FSTL4: variants seen among roughly 807,000 people sequenced by gnomAD.
FSTL4 encodes follistatin-related protein 4.
FSTL4 carries 28 observed loss-of-function variants against 78.2 expected under a neutral mutation model. That is an observed-to-expected ratio of 0.36 (90% confidence interval 0.27 to 0.49). The LOEUF (loss-of-function observed/expected upper bound fraction) is 0.49. Ranked by LOEUF, FSTL4 falls within the 20% of genes least tolerant of loss-of-function variation. The probability of loss-of-function intolerance (pLI) is 0.98; values close to 1 mark genes in which losing one functional copy is unlikely to be tolerated. For missense variants in FSTL4, 922 were observed against 1,084.9 expected, an observed-to-expected ratio of 0.85 and a Z score of 2.11; for synonymous variants, 422 against 440.5, an observed-to-expected ratio of 0.96 and a Z score of 0.53.
chr5:133,707,103 C>A, the FSTL4 span, among the ~76,000 whole-genome samples: 2 of 152,194 alleles, frequency 1.3e-5, no homozygotes, highest in African/African-American at 4.8e-5. Flanking sequence ...GTCAGAGGAC[C>A]AAACTAGTGC....
At position 133,199,797 on chromosome 5, in the gene FSTL4, C is replaced by G; in HGVS notation, c.1827G>C (p.Arg609Ser). The G allele has an allele frequency of 1.3e-6, 2 of 1,527,340 alleles. No individual in the cohort carries two copies. The highest frequency in any genetic ancestry group is 8.9e-7 in the Non-Finnish European group (1 of 1,126,568). 94.6% of individuals were successfully genotyped at this position (1,527,340 alleles called of 1,614,324 possible). A position where few individuals can be genotyped will look rare whatever the true frequency, so the allele number is the denominator to read the frequency against. Residue 609 changes from arginine to serine, a missense_variant and splice_region_variant, in exon 16 of 16, where the codon AGG becomes AGC. Arg to Ser is a moderately radical substitution (Grantham distance 110). Transcript: ENST00000265342. The surrounding 1 kb of genome is among the most constrained non-coding windows in gnomAD (Gnocchi z 4.4). Reference protein sequence around the residue: ...PPTNLIINHIRFGFIFNKSDP... With the variant: ...PPTNLIINHISFGFIFNKSDP... ...CAGACTTGTTGAAGATGAAGCCAAA[C>G]CTGGGAGGGGAAGAACTGAGGTCAG...
chr5:133,751,118 C>A, the FSTL4 span, among the ~76,000 whole-genome samples: 347 of 152,274 alleles, frequency 2.3e-3, 4 homozygotes, highest in Middle Eastern at 0.01. Context: ...CCCTCTCCCC[C>A]CAGCCCTCAG....
intron 6 of FSTL4, among the ~76,000 whole-genome samples, chr5:133,289,885 GA>G (rs1264328467): frequency 6.6e-6 from 1 of 152,206 alleles, no homozygotes; most frequent in Non-Finnish European, 1.5e-5. Flanking sequence ...CACTTGACGA[GA>G]AACAGAAATG....
At chr5:133,695,051 G>A in the FSTL4 span, among the ~76,000 whole-genome samples, 3 of 152,074 alleles carry the variant, frequency 2.0e-5, no homozygotes, top group Admixed American at 2.0e-4. Flanking sequence ...ATGAGGGCTA[G>A]GATCCTCAGG....
intron 3 of FSTL4, among the ~76,000 whole-genome samples, chr5:133,552,140 C>T (rs1302242404): frequency 6.6e-6 from 1 of 152,170 alleles, no homozygotes. Context: ...TTCCCTCCTG[C>T]CCTCCACTTT....
the FSTL4 span, among the ~76,000 whole-genome samples, chr5:133,681,698 G>C: frequency 6.6e-6 from 1 of 152,276 alleles, no homozygotes; most frequent in South Asian, 2.1e-4. Context: ...CCCCCCATGA[G>C]AGAAGCAAGG....
At chr5:133,834,497 G>A in the FSTL4 span, among the ~76,000 whole-genome samples, 1 of 146,810 alleles carries the variant, frequency 6.8e-6, no homozygotes, top group Non-Finnish European at 1.5e-5. Flanking sequence ...TACATTATAT[G>A]AGCCTAATTT....
intron 2 of FSTL4, among the ~76,000 whole-genome samples, chr5:133,571,909 T>C (rs144633100): frequency 1.3e-5 from 2 of 152,280 alleles, no homozygotes; most frequent in Non-Finnish European, 2.9e-5. Flanking sequence ...TGTAACATCA[T>C]GAAGAGTTCT....
intron 4 of FSTL4, among the ~76,000 whole-genome samples, chr5:133,372,457 C>A (rs1755333740): frequency 6.6e-6 from 1 of 152,112 alleles, no homozygotes; most frequent in Admixed American, 6.5e-5. Flanking sequence ...TGGGTCATGG[C>A]CCAAGGCTCC....
At chr5:133,567,829 G>A (rs567729359) in intron 2 of FSTL4, among the ~76,000 whole-genome samples, 25 of 152,270 alleles carry the variant, frequency 1.6e-4, no homozygotes, top group African/African-American at 4.8e-4. Context: ...CTTACTATGC[G>A]CAGGGCAATA....
chr5:133,281,349 A>C (rs576089065), intron 6 of FSTL4, among the ~76,000 whole-genome samples: 2 of 152,304 alleles, frequency 1.3e-5, no homozygotes, highest in African/African-American at 4.8e-5. Context: ...GGTGGGACTT[A>C]GGAGGCAGAT....
intron 4 of FSTL4, among the ~76,000 whole-genome samples, chr5:133,390,308 T>C (rs1309175470): frequency 6.6e-6 from 1 of 152,290 alleles, no homozygotes; most frequent in Admixed American, 6.5e-5. Context: ...TCACTCTGAT[T>C]ACTTTCATTA....
chr5:133,716,592 G>A, the FSTL4 span, among the ~76,000 whole-genome samples: 3 of 152,202 alleles, frequency 2.0e-5, no homozygotes, highest in Non-Finnish European at 4.4e-5. Flanking sequence ...ATCACATGGA[G>A]ATTTGGAGGG....
At chr5:133,312,300 AG>A in intron 6 of FSTL4, 1 of 203,336 alleles carries the variant, frequency 4.9e-6, no homozygotes, top group Non-Finnish European at 9.9e-6. Flanking sequence ...CCACATGGCC[AG>A]GCCCTAGCCT....
chr5:133,640,597 G>T, the FSTL4 span, among the ~76,000 whole-genome samples: 1 of 152,194 alleles, frequency 6.6e-6, no homozygotes, highest in East Asian at 1.9e-4. Context: ...GTGCTGGCCT[G>T]ATTCATTTCA....
At chr5:133,235,763 C>T (rs1015616856) in intron 7 of FSTL4, among the ~76,000 whole-genome samples, 1 of 152,138 alleles carries the variant, frequency 6.6e-6, no homozygotes, top group Non-Finnish European at 1.5e-5. Flanking sequence ...GCGGAAGCCT[C>T]CATGATAAAA....
intron 3 of FSTL4, among the ~76,000 whole-genome samples, chr5:133,540,723 A>C (rs1454257248): frequency 1.4e-5 from 2 of 142,156 alleles, no homozygotes; most frequent in African/African-American, 2.8e-5. Context: ...ACATAGGCAA[A>C]AAAAAAAAAA....
At chr5:133,355,287 T>C (rs1427157702) in intron 4 of FSTL4, among the ~76,000 whole-genome samples, 2 of 152,190 alleles carry the variant, frequency 1.3e-5, no homozygotes, top group Non-Finnish European at 2.9e-5. Flanking sequence ...TGAAGCTAAA[T>C]TGAATATGAC....
At chr5:133,582,780 C>A (rs931790353) in intron 2 of FSTL4, among the ~76,000 whole-genome samples, 2 of 152,168 alleles carry the variant, frequency 1.3e-5, no homozygotes, top group Non-Finnish European at 2.9e-5. Flanking sequence ...TGCCAGGATG[C>A]CTTCCACTTG....
Sources: gnomAD v4.1 joint callset for allele counts (sites outside exome capture counted in the v4.1 genomes callset) on GRCh38, gnomAD v4.1.1 for gene constraint, Gnocchi (gnomAD v3.1) non-coding constraint, MANE v1.5 for transcripts, NCBI Gene and HGNC (gene_info 2026-07-23, HGNC 2026-07-21) for gene names.